The following CTNNA3 variants were observed in gnomAD, a reference collection of about 807,000 sequenced individuals.
CTNNA3 encodes catenin alpha 3, also known as catenin alpha-3.
CTNNA3 carries 76 observed loss-of-function variants against 95.7 expected under a neutral mutation model. That is an observed-to-expected ratio of 0.79 (90% CI 0.66 to 0.96). The LOEUF (loss-of-function observed/expected upper bound fraction) is 0.96. Ranked by LOEUF, CTNNA3 falls within the 40% of genes least tolerant of loss-of-function variation. The pLI, the probability that CTNNA3 is intolerant of heterozygous loss-of-function variation, is 0.00. For missense variants in CTNNA3, 1,191 were observed against 1,089.8 expected, an observed-to-expected ratio of 1.09 and a Z score of -1.31; for synonymous variants, 431 against 374.4, an observed-to-expected ratio of 1.15 and a Z score of -1.74.
rs189553326 is a variant in CTNNA3, at chr10:67,435,283, A to G, written c.579+86559T>C. On this transcript the variant is annotated intron_variant, in intron 5 of 17. Coordinates refer to ENST00000433211, the MANE Select transcript of CTNNA3 (RefSeq NM_013266.4). ...GCAACATAGACAAACTCAAACATCC[A>G]TACATCCGCTTTCACATTTTACTCT... 1.7e-3 allele frequency among the ~76,000 whole-genome samples: 263 copies of G among 152,104 alleles called. 1 individual carries two copies. Among genetic ancestry groups the G allele is most frequent in the African/African-American group, 6.1e-3 (253 of 41,542 alleles).
intron 3 of CTNNA3, among the ~76,000 whole-genome samples, chr10:67,588,533 G>C (rs1044672921): frequency 1.3e-5 from 2 of 151,938 alleles, no homozygotes; most frequent in Admixed American, 6.6e-5. Context: ...GAATTTATGG[G>C]GGGGGGACTG....
At chr10:67,595,822 A>C (rs993654335) in intron 3 of CTNNA3, among the ~76,000 whole-genome samples, 2 of 152,188 alleles carry the variant, frequency 1.3e-5, no homozygotes, top group African/African-American at 2.4e-5. Flanking sequence ...TGTTGAGTAC[A>C]TACATTTTTA....
intron 1 of CTNNA3, among the ~76,000 whole-genome samples, chr10:67,723,081 G>A (rs1199198820): frequency 6.6e-6 from 1 of 151,252 alleles, no homozygotes; most frequent in Non-Finnish European, 1.5e-5. Context: ...CTGCCTCCTG[G>A]GTTCAAGCAA....
intron 7 of CTNNA3, among the ~76,000 whole-genome samples, chr10:66,782,972 G>A (rs1012365774): frequency 6.6e-6 from 1 of 152,030 alleles, no homozygotes; most frequent in Admixed American, 6.6e-5. Context: ...CTCTTGTCCT[G>A]TCTCAAATGT....
chr10:66,051,982 CT>C (rs1286205592), intron 15 of CTNNA3, among the ~76,000 whole-genome samples: 14 of 151,958 alleles, frequency 9.2e-5, no homozygotes, highest in African/African-American at 3.4e-4. Context: ...GTGAGTCTTT[CT>C]TTTTTTGTTA....
intron 13 of CTNNA3, among the ~76,000 whole-genome samples, chr10:66,190,297 A>G (rs1443682884): frequency 2.0e-5 from 3 of 152,158 alleles, no homozygotes; most frequent in African/African-American, 7.2e-5. Flanking sequence ...GCAGAGAAAT[A>G]AAAACAAACC....
chr10:65,980,065 C>A (rs570894896), intron 16 of CTNNA3, among the ~76,000 whole-genome samples: 26 of 151,670 alleles, frequency 1.7e-4, no homozygotes, highest in African/African-American at 6.0e-4. Flanking sequence ...TAAATAAAAT[C>A]GATAGATCAT....
At chr10:67,662,225 T>G (rs1004860869) in intron 1 of CTNNA3, among the ~76,000 whole-genome samples, 1 of 152,116 alleles carries the variant, frequency 6.6e-6, no homozygotes, top group Admixed American at 6.6e-5. Context: ...TCAACACACA[T>G]ATAATAAAGT....
At chr10:67,468,074 A>C (rs908527961) in intron 5 of CTNNA3, among the ~76,000 whole-genome samples, 3 of 151,514 alleles carry the variant, frequency 2.0e-5, no homozygotes, top group Admixed American at 6.6e-5. Flanking sequence ...TTTGTTATTA[A>C]TACATTGGTA....
chr10:67,187,529 T>G (rs958502198), intron 6 of CTNNA3, among the ~76,000 whole-genome samples: 1 of 151,534 alleles, frequency 6.6e-6, no homozygotes, highest in Non-Finnish European at 1.5e-5. Context: ...TCATTTTCTT[T>G]CTCTCTCTTT....
intron 7 of CTNNA3, among the ~76,000 whole-genome samples, chr10:67,065,295 A>G (rs1286673573): frequency 2.6e-5 from 4 of 152,182 alleles, no homozygotes; most frequent in African/African-American, 4.8e-5. Context: ...TCATTTAAAA[A>G]CCAAGGTTAA....
chr10:66,185,984 C>A (rs1179517259), intron 13 of CTNNA3, among the ~76,000 whole-genome samples: 2 of 151,756 alleles, frequency 1.3e-5, no homozygotes, highest in Non-Finnish European at 2.9e-5. Flanking sequence ...TATGTACACA[C>A]ATACACACAT....
chr10:66,620,856 C>T (rs1037507487), intron 10 of CTNNA3, among the ~76,000 whole-genome samples: 13 of 152,254 alleles, frequency 8.5e-5, no homozygotes, highest in African/African-American at 3.1e-4. Flanking sequence ...CTGAGAATCT[C>T]AGGAGACGTC....
intron 11 of CTNNA3, among the ~76,000 whole-genome samples, chr10:66,445,075 A>G (rs1183665658): frequency 6.6e-6 from 1 of 152,124 alleles, no homozygotes; most frequent in African/African-American, 2.4e-5. Context: ...GAGACAAAGA[A>G]GGCCATTACA....
chr10:66,033,834 C>G (rs1177711390), intron 15 of CTNNA3, among the ~76,000 whole-genome samples: 1 of 152,184 alleles, frequency 6.6e-6, no homozygotes, highest in Non-Finnish European at 1.5e-5. Context: ...TATTAGGAAT[C>G]ACAGACTTAT....
At chr10:66,445,009 G>A (rs2093408015) in intron 11 of CTNNA3, among the ~76,000 whole-genome samples, 1 of 152,004 alleles carries the variant, frequency 6.6e-6, no homozygotes, top group African/African-American at 2.4e-5. Context: ...ACAAAAAAAG[G>A]CAGGGGTCGC....
In CTNNA3 at chr10:67,615,549, G is replaced by A. The variant is rs534265470; in HGVS notation, c.100-8500C>T. On this transcript the variant is annotated intron_variant, in intron 2 of 17. Transcript: ENST00000433211. Reference sequence around the variant, plus strand: ...TTCATTTATTCAACAAATATTGATGGTGCACCTACACTGTGCCAGAACATG... The same window carrying A: ...TTCATTTATTCAACAAATATTGATGATGCACCTACACTGTGCCAGAACATG... 1.6e-4 allele frequency among the ~76,000 whole-genome samples: 25 copies of A among 152,174 alleles called. 1 individual carries two copies. In the South Asian group the frequency reaches 3.9e-3, roughly 24 times the overall value.
At chr10:66,323,206 A>G (rs2092211713) in intron 12 of CTNNA3, among the ~76,000 whole-genome samples, 1 of 152,084 alleles carries the variant, frequency 6.6e-6, no homozygotes, top group Non-Finnish European at 1.5e-5. Context: ...ATACAAATTA[A>G]TGTCTCAATA....
chr10:67,145,522 C>T (rs1053319388), intron 7 of CTNNA3, among the ~76,000 whole-genome samples: 1 of 151,650 alleles, frequency 6.6e-6, no homozygotes. Context: ...CCTTCGCCTC[C>T]TGGGTTCAAG....
Sources: allele counts gnomAD v4.1 joint callset (sites outside exome capture counted in the v4.1 genomes callset), GRCh38; gene constraint gnomAD v4.1.1; transcripts MANE v1.5; gene names NCBI Gene and HGNC (gene_info 2026-07-23, HGNC 2026-07-21).